STT3B: variants seen among roughly 807,000 people sequenced by gnomAD.
STT3B encodes STT3 oligosaccharyltransferase complex catalytic subunit B, also known as dolichyl-diphosphooligosaccharide--protein glycosyltransferase subunit STT3B.
STT3B carries 29 observed loss-of-function variants against 96.8 expected under a neutral mutation model. That is an observed-to-expected ratio of 0.30 (90% CI 0.22 to 0.41). The LOEUF is 0.41. STT3B is among the 10% of genes least tolerant of loss of function. The probability of loss-of-function intolerance (pLI) is 1.00; values close to 1 mark genes in which losing one functional copy is unlikely to be tolerated. For missense variants in STT3B, 640 were observed against 1,022.3 expected (o/e 0.63, Z 5.10); for synonymous variants, 367 against 360.0 (o/e 1.02, Z -0.22).
intron 1 of STT3B, among the ~76,000 whole-genome samples, chr3:31,552,494 T>A (rs79097877): frequency 6.6e-6 from 1 of 152,164 alleles, no homozygotes; most frequent in African/African-American, 2.4e-5. Flanking sequence ...TAAAAACTTA[T>A]ACTTACTACA....
In STT3B at chr3:31,636,127, G is replaced by C; in HGVS notation, c.*63G>C. The C allele has an allele frequency of 7.7e-7, 1 of 1,296,038 alleles. No homozygotes were observed. Among genetic ancestry groups the C allele is most frequent in the Non-Finnish European group, 1.1e-6 (1 of 935,254 alleles). The allele number at this position is 1,296,038 out of a possible 1,614,324, so 80.3% of individuals were successfully genotyped here. ...TTGTGAGAACCGGTCTTTGCCTTTA[G>C]CTCATGTCGTGTTTCACAGCAAAGA... On this transcript the variant is annotated 3_prime_UTR_variant, in exon 16 of 16. Coordinates refer to ENST00000295770, the MANE Select transcript of STT3B (RefSeq NM_178862.3).
intron 15 of STT3B, among the ~76,000 whole-genome samples, 153 bp from the exon 16 acceptor site, chr3:31,635,831 T>C (rs1336226848): frequency 2.0e-5 from 3 of 152,174 alleles, no homozygotes; most frequent in African/African-American, 4.8e-5. Flanking sequence ...ACTAACAGTT[T>C]AGTGGTGTTC....
At position 31,637,448 on chromosome 3, in the gene STT3B, G is replaced by A. The variant is rs1312585000; in HGVS notation, c.*1384G>A. On this transcript the variant is annotated 3_prime_UTR_variant, in exon 16 of 16. Coordinates refer to ENST00000295770, the MANE Select transcript of STT3B (RefSeq NM_178862.3). ...GAATTCATTTTTGACCCAGATGATG[G>A]TTCCTTTACAGAACAATAAAATGGC... 6.6e-6 allele frequency: 1 copy of A among 152,126 alleles called. No homozygotes were observed. The highest frequency in any genetic ancestry group is 2.4e-5 in the African/African-American group (1 of 41,438). 9.4% of individuals were successfully genotyped at this position (152,126 alleles called of 1,614,324 possible). A position where few individuals can be genotyped will look rare whatever the true frequency, so the allele number is the denominator to read the frequency against.
intron 1 of STT3B, among the ~76,000 whole-genome samples, chr3:31,536,193 A>G (rs2125432278): frequency 6.7e-6 from 1 of 148,830 alleles, no homozygotes; most frequent in Non-Finnish European, 1.5e-5. Flanking sequence ...ATTGCCTGCC[A>G]TTATTACTTT....
intron 1 of STT3B, among the ~76,000 whole-genome samples, chr3:31,570,953 A>G (rs1020909701): frequency 6.6e-6 from 1 of 152,124 alleles, no homozygotes; most frequent in Non-Finnish European, 1.5e-5. Flanking sequence ...AATGGAGGGT[A>G]GGGATTCTTT....
intron 1 of STT3B, among the ~76,000 whole-genome samples, chr3:31,555,853 T>C (rs956447347): frequency 1.3e-5 from 2 of 152,176 alleles, no homozygotes; most frequent in African/African-American, 2.4e-5. Context: ...AGTCAAGTTA[T>C]TTAGGGGTAT....
chr3:31,630,653 C>G (rs537232398), intron 14 of STT3B, among the ~76,000 whole-genome samples: 1 of 152,168 alleles, frequency 6.6e-6, no homozygotes, highest in South Asian at 2.1e-4. Flanking sequence ...GTATTGCTCT[C>G]TGGTTAAGTT....
intron 14 of STT3B, 27 bp from the exon 15 acceptor site, chr3:31,632,908 C>A (rs1303801265): frequency 6.3e-7 from 1 of 1,598,156 alleles, no homozygotes; most frequent in Non-Finnish European, 8.6e-7. Flanking sequence ...ATATGGTTAA[C>A]ACCCAATAAT....
At chr3:31,633,323 G>A (rs377748239) in intron 15 of STT3B, 176 bp downstream of exon 15, 2 of 632,728 alleles carry the variant, frequency 3.2e-6, no homozygotes, top group South Asian at 4.3e-5. Flanking sequence ...TTCAAACTGA[G>A]CACTTCAGAT....
At chr3:31,537,254 A>G (rs1243400908) in intron 1 of STT3B, among the ~76,000 whole-genome samples, 1 of 152,218 alleles carries the variant, frequency 6.6e-6, no homozygotes, top group Non-Finnish European at 1.5e-5. Flanking sequence ...GTTGGGGACT[A>G]CTTCCTGTAC....
chr3:31,548,286 C>T (rs775639257), intron 1 of STT3B, among the ~76,000 whole-genome samples: 18 of 151,984 alleles, frequency 1.2e-4, no homozygotes, highest in Non-Finnish European at 1.0e-4. Flanking sequence ...AAAAAGATTT[C>T]ACCAGGTTGA....
chr3:31,622,107 T>C lies in STT3B; in HGVS notation c.1338T>C (p.Tyr446=), dbSNP rs374931507. 6 of 1,613,766 alleles carry C rather than the reference T, an allele frequency of 3.7e-6. No individual in the cohort carries two copies. The South Asian group carries it at 4.4e-5, about 12-fold the overall frequency. ...INDERVFVAL[Y]AISAVYFAGV... Reference sequence around the variant, plus strand: ...AATTTGTCTTTGCAGTTGCTCTATATGCAATCAGTGCTGTCTACTTTGCTG... The same window carrying C: ...AATTTGTCTTTGCAGTTGCTCTATACGCAATCAGTGCTGTCTACTTTGCTG... The change falls in exon 10 of 16, where the codon TAT becomes TAC. Residue 446 remains tyrosine (Y), a synonymous_variant. Transcript: ENST00000295770.
intron 5 of STT3B, among the ~76,000 whole-genome samples, chr3:31,611,990 A>G (rs1012746591): frequency 6.6e-5 from 10 of 152,310 alleles, no homozygotes; most frequent in East Asian, 1.9e-4. Flanking sequence ...TGTATTTGAC[A>G]TATTATCTGG....
At position 31,637,200 on chromosome 3, in the gene STT3B, T is replaced by G. The variant is rs1699767810; in HGVS notation, c.*1136T>G. 1 of 152,204 alleles carries G rather than the reference T, an allele frequency of 6.6e-6. No homozygotes were observed. Among genetic ancestry groups the G allele is most frequent in the Non-Finnish European group, 1.5e-5 (1 of 68,022 alleles). The allele number at this position is 152,204 out of a possible 1,614,324, so 9.4% of individuals were successfully genotyped here. A position where few individuals can be genotyped will look rare whatever the true frequency, so the allele number is the denominator to read the frequency against. ...GCTTATAGGCAACTTTATACAGACT[T>G]GAACATTTTCTCCAGTTGTTTAGTA... is the stretch of plus-strand genomic sequence containing the variant. On this transcript the variant is annotated 3_prime_UTR_variant, in exon 16 of 16. Coordinates refer to ENST00000295770, the MANE Select transcript of STT3B (RefSeq NM_178862.3).
chr3:31,585,560 T>G (rs914108590), intron 3 of STT3B, among the ~76,000 whole-genome samples: 8 of 143,910 alleles, frequency 5.6e-5, no homozygotes, highest in African/African-American at 2.4e-4. Flanking sequence ...TTACAGGTTT[T>G]GTTTTGTTTT....
chr3:31,633,225 A>G (rs758212838), intron 15 of STT3B, 78 bp downstream of exon 15: 5 of 1,238,200 alleles, frequency 4.0e-6, no homozygotes, highest in Non-Finnish European at 4.5e-6. Flanking sequence ...GGAAATTGCA[A>G]TAAATTTCCA....
At chr3:31,621,407 A>G (rs914275775) in intron 9 of STT3B, among the ~76,000 whole-genome samples, 1 of 152,218 alleles carries the variant, frequency 6.6e-6, no homozygotes, top group Admixed American at 6.5e-5. Flanking sequence ...TCATTGAGAT[A>G]CACACTTAAG....
At chr3:31,546,386 A>G (rs1174509033) in intron 1 of STT3B, among the ~76,000 whole-genome samples, 2 of 152,158 alleles carry the variant, frequency 1.3e-5, no homozygotes, top group African/African-American at 4.8e-5. Flanking sequence ...ATCTTGTTCC[A>G]TTGGGACCTC....
chr3:31,545,562 C>T (rs988700467), intron 1 of STT3B, among the ~76,000 whole-genome samples: 6 of 152,094 alleles, frequency 3.9e-5, no homozygotes, highest in Admixed American at 3.9e-4. Context: ...TGTGAACCTC[C>T]TAGCCAACCA....
Sources: allele counts gnomAD v4.1 joint callset (sites outside exome capture counted in the v4.1 genomes callset), GRCh38; gene constraint gnomAD v4.1.1; transcripts MANE v1.5; gene names NCBI Gene and HGNC (gene_info 2026-07-23, HGNC 2026-07-21).